Variants in GUCY1A2 observed in about 807,000 individuals in gnomAD.
GUCY1A2 encodes the protein guanylate cyclase soluble subunit alpha-2.
GUCY1A2 carries 27 observed loss-of-function variants against 63.5 expected under a neutral mutation model. That is an observed-to-expected ratio of 0.43 (90% CI 0.31 to 0.59). The LOEUF is 0.59. Ranked by LOEUF, GUCY1A2 falls within the 20% of genes least tolerant of loss-of-function variation. The pLI is 0.11. For missense variants in GUCY1A2, 768 were observed against 913.3 expected (o/e 0.84, Z 2.05); for synonymous variants, 364 against 343.5 (o/e 1.06, Z -0.66).
chr11:106,927,150 G>A (rs1456531755), intron 4 of GUCY1A2, among the ~76,000 whole-genome samples: 1 of 151,824 alleles, frequency 6.6e-6, no homozygotes, highest in Non-Finnish European at 1.5e-5. Context: ...AAGGTGGGTG[G>A]ATCACACAGT....
chr11:106,782,643 A>G (rs1226331294), intron 5 of GUCY1A2, among the ~76,000 whole-genome samples: 1 of 152,178 alleles, frequency 6.6e-6, no homozygotes, highest in Non-Finnish European at 1.5e-5. Flanking sequence ...GGCTTCTCCA[A>G]TGGTTGGCCA....
At chr11:106,881,919 G>A (rs999303198) in intron 4 of GUCY1A2, among the ~76,000 whole-genome samples, 3 of 151,856 alleles carry the variant, frequency 2.0e-5, no homozygotes, top group African/African-American at 4.8e-5. Context: ...AAATATTATC[G>A]TAATATTTTT....
At chr11:106,687,902 T>C (rs763115477) in intron 7 of GUCY1A2, 146 bp from the exon 8 acceptor site, 2 of 607,130 alleles carry the variant, frequency 3.3e-6, no homozygotes, top group Non-Finnish European at 2.9e-6. Flanking sequence ...CTTCATCAGA[T>C]TCCAAATGCT....
At chr11:106,801,487 C>A (rs1858603162) in intron 5 of GUCY1A2, among the ~76,000 whole-genome samples, 1 of 152,104 alleles carries the variant, frequency 6.6e-6, no homozygotes. Context: ...AGTGCCAGAA[C>A]AATTTTTTTG....
At chr11:106,985,040 C>T in intron 2 of GUCY1A2, among the ~76,000 whole-genome samples, 1 of 151,992 alleles carries the variant, frequency 6.6e-6, no homozygotes, top group East Asian at 1.9e-4. Flanking sequence ...GATTATTTTT[C>T]CATTAAGATT....
At chr11:106,829,910 G>A (rs1462249292) in intron 4 of GUCY1A2, among the ~76,000 whole-genome samples, 1 of 152,104 alleles carries the variant, frequency 6.6e-6, no homozygotes, top group East Asian at 1.9e-4. Flanking sequence ...TGAAGGTTTG[G>A]GTCACTACAC....
intron 6 of GUCY1A2, among the ~76,000 whole-genome samples, chr11:106,721,239 A>C (rs977440027): frequency 1.1e-4 from 17 of 151,990 alleles, no homozygotes; most frequent in Non-Finnish European, 2.4e-4. Flanking sequence ...TTGTATCTTT[A>C]GTAGAGACGG....
At chr11:106,820,058 TAGA>T (rs1449935835) in intron 4 of GUCY1A2, among the ~76,000 whole-genome samples, 1 of 152,178 alleles carries the variant, frequency 6.6e-6, no homozygotes, top group African/African-American at 2.4e-5. Flanking sequence ...AAAAATAATG[TAGA>T]AGAAGTTTGT....
In GUCY1A2 at chr11:106,776,554, A is replaced by G; in HGVS notation, c.1721T>C (p.Val574Ala). Residue 574 changes from valine to alanine, a missense_variant, in exon 6 of 8, where the codon GTT (valine) becomes GCT (alanine). Physicochemically the swap from Val to Ala is moderately conservative, Grantham distance 64 (BLOSUM62 0). Coordinates refer to ENST00000526355, the MANE Select transcript of GUCY1A2 (RefSeq NM_000855.3). Reference sequence around the variant, plus strand: ...GCTTTTTCTGTGGAGCCCTGCTGCAACACAGTAGGCATCACCTATTGTTTC... The same window carrying G: ...GCTTTTTCTGTGGAGCCCTGCTGCAGCACAGTAGGCATCACCTATTGTTTC... ...KVETIGDAYC[V>A]AAGLHRKSLC... is the part of the protein sequence containing the mutation. 1 of 1,613,382 alleles carries G rather than the reference A, an allele frequency of 6.2e-7. No individual in the cohort carries two copies. Among genetic ancestry groups the G allele is most frequent in the Non-Finnish European group, 8.5e-7 (1 of 1,179,282 alleles).
chr11:106,834,393 G>A (rs1057071108), intron 4 of GUCY1A2, among the ~76,000 whole-genome samples: 4 of 151,788 alleles, frequency 2.6e-5, no homozygotes, highest in Admixed American at 6.6e-5. Flanking sequence ...AATATTTTAC[G>A]TTGCATCCAA....
At chr11:106,862,104 T>A (rs902961696) in intron 4 of GUCY1A2, among the ~76,000 whole-genome samples, 11 of 152,042 alleles carry the variant, frequency 7.2e-5, no homozygotes, top group African/African-American at 2.7e-4. Context: ...ACACATAGCA[T>A]CTATTGTTCT....
chr11:106,695,141 C>T (rs1862694689), intron 7 of GUCY1A2, among the ~76,000 whole-genome samples: 1 of 152,152 alleles, frequency 6.6e-6, no homozygotes, highest in Non-Finnish European at 1.5e-5. Context: ...CTCAGGCATA[C>T]ACTTACCACC....
intron 4 of GUCY1A2, among the ~76,000 whole-genome samples, chr11:106,822,581 C>T (rs1457559960): frequency 1.3e-5 from 2 of 152,100 alleles, no homozygotes; most frequent in South Asian, 2.1e-4. Context: ...GTGTACTCAA[C>T]GTTTAGCTCC....
chr11:106,800,413 A>G (rs1864853088), intron 5 of GUCY1A2, among the ~76,000 whole-genome samples: 1 of 152,240 alleles, frequency 6.6e-6, no homozygotes, highest in Admixed American at 6.5e-5. Flanking sequence ...ATTATAAATC[A>G]TGCTGCTATA....
intron 3 of GUCY1A2, among the ~76,000 whole-genome samples, chr11:106,977,408 G>A (rs1486465327): frequency 2.6e-5 from 4 of 152,080 alleles, no homozygotes; most frequent in African/African-American, 4.8e-5. Context: ...TGAATCTTTG[G>A]CCTCCTTTTC....
intron 4 of GUCY1A2, among the ~76,000 whole-genome samples, chr11:106,815,659 G>A (rs1858821074): frequency 1.3e-5 from 2 of 151,988 alleles, no homozygotes; most frequent in Non-Finnish European, 2.9e-5. Context: ...CTCCTCATGA[G>A]TTGTCTAAAT....
At chr11:106,886,519 A>G (rs564780532) in intron 4 of GUCY1A2, among the ~76,000 whole-genome samples, 1 of 152,256 alleles carries the variant, frequency 6.6e-6, no homozygotes, top group South Asian at 2.1e-4. Context: ...TATGTATATG[A>G]TATTTGTATA....
At position 106,851,159 on chromosome 11, in the gene GUCY1A2, G is replaced by C. The variant is rs188934733; in HGVS notation, c.1207-40681C>G. 3.0e-3 allele frequency among the ~76,000 whole-genome samples: 453 copies of C among 151,318 alleles called. 4 individuals carry two copies. Among genetic ancestry groups the C allele is most frequent in the African/African-American group, 0.01 (419 of 41,416 alleles). ...TCTCCCTTTGAGAAATGTCTGTTTAGTTTCTTTGCCCACTTTTTAAATGGG... is the reference window on the plus strand; with the variant it reads ...TCTCCCTTTGAGAAATGTCTGTTTACTTTCTTTGCCCACTTTTTAAATGGG... On this transcript the variant is annotated intron_variant, in intron 4 of 7. Coordinates refer to ENST00000526355, the MANE Select transcript of GUCY1A2 (RefSeq NM_000855.3).
rs772695330 is a variant in GUCY1A2, at chr11:106,809,977, A to G, written c.1692+16T>C. 7 of 1,504,688 alleles carry G rather than the reference A, an allele frequency of 4.7e-6. No homozygotes were observed. In the South Asian group the frequency reaches 7.4e-5, roughly 16 times the overall value. 93.2% of individuals were successfully genotyped at this position (1,504,688 alleles called of 1,614,324 possible). ...TATTAAAAAACATTTATATGTAAGT[A>G]ACTAAACTCCCTTACCTTATAAATA... On this transcript the variant is annotated intron_variant, in intron 5 of 7. Transcript: ENST00000526355.
Sources: gnomAD v4.1 joint callset for allele counts (sites outside exome capture counted in the v4.1 genomes callset) on GRCh38, gnomAD v4.1.1 for gene constraint, MANE v1.5 for transcripts, NCBI Gene and HGNC (gene_info 2026-07-23, HGNC 2026-07-21) for gene names.